Variants in ST6GAL2 observed in about 807,000 individuals in gnomAD.
ST6GAL2 encodes beta-galactoside alpha-2,6-sialyltransferase 2.
In ST6GAL2, 24 loss-of-function variants were observed where a neutral mutation model predicts 37.5. The ratio of observed to expected loss-of-function variants is 0.64; its 90% CI spans 0.46 to 0.90. The LOEUF (loss-of-function observed/expected upper bound fraction) is 0.90. Ranked by LOEUF, ST6GAL2 falls within the 40% of genes least tolerant of loss-of-function variation. ST6GAL2 has a pLI of 0.00. For synonymous variants in ST6GAL2, 306 were observed against 295.1 expected, an observed-to-expected ratio of 1.04 and a Z score of -0.38; for missense variants, 715 against 712.7, an observed-to-expected ratio of 1.00 and a Z score of -0.04.
chr2:106,831,867 G>C lies in ST6GAL2; in HGVS notation c.1143+698C>G, dbSNP rs570605172. On this transcript the variant is annotated intron_variant, in intron 4 of 5. Coordinates refer to ENST00000409382, the MANE Select transcript of ST6GAL2 (RefSeq NM_001142351.2). ...GTCAAAGACGCTCATTTACAGAACT[G>C]ACAGCATCTCTTACTAGGCTAAATA... 5.9e-5 allele frequency among the ~76,000 whole-genome samples: 9 copies of C among 152,250 alleles called. No homozygotes were observed. In the South Asian group the frequency reaches 1.9e-3, roughly 32 times the overall value.
intron 5 of ST6GAL2, 69 bp from the exon 6 acceptor site, chr2:106,807,018 AG>A: frequency 7.2e-7 from 1 of 1,391,710 alleles, no homozygotes; most frequent in Non-Finnish European, 9.8e-7. Context: ...TTTTTGGGGG[AG>A]GGGTGGTGGT....
At chr2:106,884,982 C>T (rs1224999935) in intron 1 of ST6GAL2, among the ~76,000 whole-genome samples, 10 of 136,670 alleles carry the variant, frequency 7.3e-5, no homozygotes, top group Admixed American at 6.7e-4. Flanking sequence ...TATACATATA[C>T]ATCATATATA....
At chr2:106,815,443 T>C (rs1675764808) in intron 5 of ST6GAL2, among the ~76,000 whole-genome samples, 1 of 152,174 alleles carries the variant, frequency 6.6e-6, no homozygotes, top group Non-Finnish European at 1.5e-5. Flanking sequence ...AACAAAGGCA[T>C]ATATTATGAT....
intron 1 of ST6GAL2, among the ~76,000 whole-genome samples, chr2:106,867,076 C>G (rs1678059325): frequency 6.6e-6 from 1 of 152,056 alleles, no homozygotes; most frequent in Admixed American, 6.6e-5. Flanking sequence ...GAAAGGAGGG[C>G]AGGGAAGCAG....
chr2:106,842,511 G>A (rs1312982402), intron 2 of ST6GAL2, among the ~76,000 whole-genome samples: 1 of 152,194 alleles, frequency 6.6e-6, no homozygotes, highest in Non-Finnish European at 1.5e-5. Flanking sequence ...AGAGCTCACA[G>A]TAACCAATAT....
intron 5 of ST6GAL2, among the ~76,000 whole-genome samples, chr2:106,813,501 G>T (rs555466124): frequency 7.9e-5 from 12 of 152,278 alleles, no homozygotes; most frequent in African/African-American, 2.9e-4. Context: ...CTAGATGACT[G>T]AGGTTTCCTT....
At chr2:106,875,366 T>C (rs543490216) in intron 1 of ST6GAL2, among the ~76,000 whole-genome samples, 88 of 152,138 alleles carry the variant, frequency 5.8e-4, no homozygotes, top group African/African-American at 1.9e-3. Flanking sequence ...TTGGTAGAGA[T>C]GGGGTTTCGC....
At chr2:106,879,352 T>C (rs1164654132) in intron 1 of ST6GAL2, among the ~76,000 whole-genome samples, 1 of 152,196 alleles carries the variant, frequency 6.6e-6, no homozygotes, top group African/African-American at 2.4e-5. Flanking sequence ...CACATTATTT[T>C]AAAGCCATAC....
rs1022365823 is a variant in ST6GAL2 at position 106,851,236 on chromosome 2, G to T, written c.-57-7202C>A. ...CTGCCCTTTCTGGCCAGGCCTCTAG[G>T]GAACTTCTATTTTTAGAGGCAAAAT... On this transcript the variant is annotated intron_variant, in intron 1 of 5. Transcript: ENST00000409382. 1.6e-4 allele frequency among the ~76,000 whole-genome samples: 24 copies of T among 152,138 alleles called. 1 individual carries two copies. The highest frequency in any genetic ancestry group is 4.4e-5 in the Non-Finnish European group (3 of 68,030).
intron 1 of ST6GAL2, among the ~76,000 whole-genome samples, chr2:106,852,285 A>T (rs1016610378): frequency 6.6e-6 from 1 of 152,214 alleles, no homozygotes; most frequent in Non-Finnish European, 1.5e-5. Context: ...TCAGAAGGGC[A>T]GCCCCCCTGC....
At chr2:106,807,785 C>A (rs898341589) in intron 5 of ST6GAL2, among the ~76,000 whole-genome samples, 5 of 151,848 alleles carry the variant, frequency 3.3e-5, no homozygotes, top group African/African-American at 1.2e-4. Flanking sequence ...CCACCACGCC[C>A]GGCTAATATT....
chr2:106,872,335 G>A (rs1678304785), intron 1 of ST6GAL2, among the ~76,000 whole-genome samples: 1 of 152,190 alleles, frequency 6.6e-6, no homozygotes, highest in Non-Finnish European at 1.5e-5. Context: ...TGCTTATGTT[G>A]TGGAAATCAG....
intron 1 of ST6GAL2, among the ~76,000 whole-genome samples, chr2:106,880,542 A>G (rs1448120): frequency 0.89 from 135,611 of 152,292 alleles, 60,447 homozygotes; most frequent in East Asian, 1. Context: ...GATGTCTGCT[A>G]TTGTCATAAA....
In ST6GAL2 at chr2:106,803,047, A is replaced by C. The variant is rs552489520; in HGVS notation, c.*3631T>G. ...TAATTCAGGAGATGTGTTACTGCTCAGAAGAGTCAATCAGCAGCGTAAGTA... is the reference window on the plus strand; with the variant it reads ...TAATTCAGGAGATGTGTTACTGCTCCGAAGAGTCAATCAGCAGCGTAAGTA... On this transcript the variant is annotated 3_prime_UTR_variant, in exon 6 of 6. Transcript: ENST00000409382. 6.6e-6 allele frequency: 1 copy of C among 152,356 alleles called. No individual in the cohort carries two copies. The highest frequency in any genetic ancestry group is 2.4e-5 in the African/African-American group (1 of 41,596). The allele number at this position is 152,356 out of a possible 1,614,324, so 9.4% of individuals were successfully genotyped here.
intron 1 of ST6GAL2, among the ~76,000 whole-genome samples, chr2:106,872,981 T>C (rs1476419983): frequency 6.6e-6 from 1 of 152,166 alleles, no homozygotes; most frequent in East Asian, 1.9e-4. Context: ...TTCCCTTGAT[T>C]TTAGCCTTGC....
chr2:106,812,755 C>T (rs1435550723), intron 5 of ST6GAL2, among the ~76,000 whole-genome samples: 6 of 152,200 alleles, frequency 3.9e-5, no homozygotes, highest in African/African-American at 1.4e-4. Context: ...GAATTTACAT[C>T]TGGTTATGCT....
At chr2:106,844,155 G>A (rs1677053213) in intron 1 of ST6GAL2, 121 bp from the exon 2 acceptor site, 1 of 527,582 alleles carries the variant, frequency 1.9e-6, no homozygotes, top group Admixed American at 3.1e-5. Context: ...AGGGGCACTA[G>A]AAACCAGAAT....
At chr2:106,862,042 C>T (rs1478898555) in intron 1 of ST6GAL2, among the ~76,000 whole-genome samples, 2 of 152,198 alleles carry the variant, frequency 1.3e-5, no homozygotes, top group African/African-American at 4.8e-5. Context: ...GATTAAATGA[C>T]AGTTTTGTAT....
chr2:106,858,277 A>G (rs11124137), intron 1 of ST6GAL2, among the ~76,000 whole-genome samples: 111,986 of 151,824 alleles, frequency 0.74, 42,131 homozygotes, highest in Non-Finnish European at 0.82. Context: ...AAAATGCTGA[A>G]CAAATCAAAA....
Sources: gnomAD v4.1 joint callset for allele counts (sites outside exome capture counted in the v4.1 genomes callset) on GRCh38, gnomAD v4.1.1 for gene constraint, MANE v1.5 for transcripts, NCBI Gene and HGNC (gene_info 2026-07-23, HGNC 2026-07-21) for gene names.